The following MEIKIN variants were observed in gnomAD, a reference collection of about 807,000 sequenced individuals.
MEIKIN encodes the protein meiosis-specific kinetochore protein.
chr5:131,852,575 G>A (rs942801169), intron 10 of MEIKIN, among the ~76,000 whole-genome samples: 1 of 151,956 alleles, frequency 6.6e-6, no homozygotes, highest in African/African-American at 2.4e-5. Context: ...AACGCCACAT[G>A]TTATATGATC....
At chr5:131,924,841 C>T (rs554173980) in intron 5 of MEIKIN, among the ~76,000 whole-genome samples, 12 of 152,140 alleles carry the variant, frequency 7.9e-5, no homozygotes, top group Non-Finnish European at 1.2e-4. Context: ...ATGTCTCACT[C>T]GTTACTGCTC....
Position 131,898,227 on chromosome 5 carries a change from C to T in MEIKIN, c.703+13588G>A, listed in dbSNP as rs146056280. Among the ~76,000 whole-genome samples, 568 of 152,314 alleles carry T rather than the reference C, an allele frequency of 3.7e-3. 4 individuals carry two copies. The highest frequency in any genetic ancestry group is 0.013 in the African/African-American group (538 of 41,556). On this transcript the variant is annotated intron_variant, in intron 8 of 12. Transcript: ENST00000442687. ...CAGACCCTATTTGCCTGGGTATCAC[C>T]AGCAGATGCTGCAAAACAGCAAATA... is the stretch of plus-strand genomic sequence containing the variant.
intron 7 of MEIKIN, among the ~76,000 whole-genome samples, chr5:131,915,211 C>T (rs767855643): frequency 1.4e-4 from 22 of 152,222 alleles, no homozygotes; most frequent in Non-Finnish European, 2.5e-4. Flanking sequence ...GGATATAGGA[C>T]TTCAATGAGA....
At chr5:131,853,860 T>C (rs1750153180) in intron 10 of MEIKIN, among the ~76,000 whole-genome samples, 1 of 152,066 alleles carries the variant, frequency 6.6e-6, no homozygotes, top group Admixed American at 6.6e-5. Flanking sequence ...GGCAAGGAAG[T>C]AGAGAAACTG....
chr5:131,874,168 G>A (rs1406512062), intron 9 of MEIKIN, among the ~76,000 whole-genome samples: 1 of 152,072 alleles, frequency 6.6e-6, no homozygotes, highest in East Asian at 1.9e-4. Flanking sequence ...AGGAAATAGA[G>A]ACACAAAAAA....
chr5:131,887,103 T>C (rs1377019498), intron 8 of MEIKIN, among the ~76,000 whole-genome samples: 2 of 152,058 alleles, frequency 1.3e-5, no homozygotes, highest in East Asian at 3.9e-4. Flanking sequence ...GTCCTTGTGA[T>C]GGTTTGCTGA....
chr5:131,885,564 A>G (rs2149631322), intron 8 of MEIKIN, among the ~76,000 whole-genome samples: 1 of 152,344 alleles, frequency 6.6e-6, no homozygotes, highest in Non-Finnish European at 1.5e-5. Flanking sequence ...CTACAGTGTT[A>G]CTGGGCTTTG....
intron 5 of MEIKIN, among the ~76,000 whole-genome samples, 176 bp from the exon 6 acceptor site, chr5:131,922,117 T>C (rs1751515212): frequency 6.6e-6 from 1 of 152,206 alleles, no homozygotes; most frequent in Admixed American, 6.5e-5. Context: ...AAATAATCTA[T>C]AGTCTATTCT....
chr5:131,813,831 T>C (rs1773050159), intron 12 of MEIKIN, among the ~76,000 whole-genome samples: 1 of 152,096 alleles, frequency 6.6e-6, no homozygotes, highest in African/African-American at 2.4e-5. Context: ...ACAGAACTAA[T>C]ACAATATATA....
At chr5:131,856,694 A>G (rs937087126) in intron 9 of MEIKIN, among the ~76,000 whole-genome samples, 1 of 152,188 alleles carries the variant, frequency 6.6e-6, no homozygotes, top group Admixed American at 6.5e-5. Flanking sequence ...CTCATTTGAC[A>G]TAATTGTCAA....
At chr5:131,907,388 T>C (rs1211801684) in intron 8 of MEIKIN, among the ~76,000 whole-genome samples, 2 of 151,570 alleles carry the variant, frequency 1.3e-5, no homozygotes, top group African/African-American at 2.4e-5. Flanking sequence ...AATTGGTTTC[T>C]TGTAAAAAAA....
Position 131,941,402 on chromosome 5 carries a change from G to A in MEIKIN, c.349+1233C>T, listed in dbSNP as rs567339927. Among the ~76,000 whole-genome samples, 21 of 151,858 alleles carry A rather than the reference G, an allele frequency of 1.4e-4. No individual in the cohort carries two copies. The South Asian group carries it at 3.7e-3, about 27-fold the overall frequency. On this transcript the variant is annotated intron_variant, in intron 4 of 12. Transcript: ENST00000442687. Reference sequence around the variant, plus strand: ...TCGAACTCCTGACCTCAAGTCATCCGCCTGCTTTGGCCTCTCAAAGTGCTG... The same window carrying A: ...TCGAACTCCTGACCTCAAGTCATCCACCTGCTTTGGCCTCTCAAAGTGCTG...
chr5:131,872,117 C>T (rs1360306936), intron 9 of MEIKIN, among the ~76,000 whole-genome samples: 3 of 152,220 alleles, frequency 2.0e-5, no homozygotes, highest in Admixed American at 6.5e-5. Context: ...GAATGCAGCT[C>T]CTCACCAGCA....
At chr5:131,923,313 C>A (rs771032474) in intron 5 of MEIKIN, among the ~76,000 whole-genome samples, 3 of 152,116 alleles carry the variant, frequency 2.0e-5, no homozygotes, top group Non-Finnish European at 2.9e-5. Context: ...ATCTACTGTA[C>A]TAGGCACACT....
intron 6 of MEIKIN, among the ~76,000 whole-genome samples, chr5:131,920,931 G>T (rs890955138): frequency 6.6e-6 from 1 of 151,658 alleles, no homozygotes; most frequent in Admixed American, 6.6e-5. Flanking sequence ...CAAACTCCTC[G>T]CCTCAAGCAG....
intron 9 of MEIKIN, among the ~76,000 whole-genome samples, chr5:131,867,682 A>G (rs576019792): frequency 1.3e-5 from 2 of 152,266 alleles, no homozygotes; most frequent in South Asian, 2.1e-4. Flanking sequence ...AGTTTCCTCC[A>G]TGTCTTTTCA....
chr5:131,916,703 C>T (rs7708140), intron 7 of MEIKIN, among the ~76,000 whole-genome samples, 183 bp downstream of exon 7: 38,926 of 152,068 alleles, frequency 0.26, 5,258 homozygotes, highest in East Asian at 0.49. Context: ...GCAGAGATTT[C>T]GTTTTTAATC....
At chr5:131,855,570 G>A (rs1436578943) in intron 9 of MEIKIN, among the ~76,000 whole-genome samples, 1 of 151,884 alleles carries the variant, frequency 6.6e-6, no homozygotes, top group East Asian at 1.9e-4. Context: ...GAGAGGAGAT[G>A]AAGGAAGAGG....
chr5:131,849,132 A>C (rs979168933), intron 11 of MEIKIN, among the ~76,000 whole-genome samples: 1 of 152,046 alleles, frequency 6.6e-6, no homozygotes, highest in African/African-American at 2.4e-5. Flanking sequence ...TGTAATCCCC[A>C]ATGTTGGAGG....
Sources: allele counts gnomAD v4.1 joint callset (sites outside exome capture counted in the v4.1 genomes callset), GRCh38; gene constraint gnomAD v4.1.1; transcripts MANE v1.5; gene names NCBI Gene and HGNC (gene_info 2026-07-23, HGNC 2026-07-21).